Variants in MED12L observed in about 807,000 individuals in gnomAD.
MED12L encodes the protein mediator complex subunit 12L, also known as mediator of RNA polymerase II transcription subunit 12-like protein.
MED12L carries 60 observed loss-of-function variants against 281.3 expected under a neutral mutation model. The observed-to-expected ratio is 0.21, with a 90% CI of 0.17 to 0.26. MED12L has a LOEUF of 0.26. Among genes scored for constraint, MED12L ranks in the 10% least tolerant of loss-of-function variants. The pLI, the probability that MED12L is intolerant of heterozygous loss-of-function variation, is 1.00. For synonymous variants in MED12L, 974 were observed against 987.2 expected (o/e 0.99, Z 0.25); for missense variants, 2,146 against 2,680.9 (o/e 0.80, Z 4.41).
chr3:151,425,334 A>G (rs1718758598), intron 43 of MED12L: 1 of 171,702 alleles, frequency 5.8e-6, no homozygotes, highest in African/African-American at 2.4e-5. Context: ...GAAGAAGTAA[A>G]TGTTATTGAA....
chr3:151,350,016 C>T (rs772322292), intron 16 of MED12L, 43 bp from the exon 17 acceptor site: 1 of 1,588,556 alleles, frequency 6.3e-7, no homozygotes, highest in South Asian at 1.1e-5. Context: ...TGCAACCCCA[C>T]CCCTGCAGAC....
intron 11 of MED12L, among the ~76,000 whole-genome samples, chr3:151,169,125 T>G (rs1338672471): frequency 2.2e-4 from 32 of 144,964 alleles, no homozygotes; most frequent in Non-Finnish European, 3.8e-4. Flanking sequence ...TTTTTTTGTT[T>G]TTTTTTTTTT....
chr3:151,396,412 G>A (rs1322164444), intron 39 of MED12L, among the ~76,000 whole-genome samples: 1 of 152,178 alleles, frequency 6.6e-6, no homozygotes, highest in Non-Finnish European at 1.5e-5. Flanking sequence ...TGGATCACTT[G>A]AGGTCAGGAG....
intron 16 of MED12L, among the ~76,000 whole-genome samples, chr3:151,252,134 TAA>T (rs1425784926): frequency 3.3e-5 from 5 of 152,276 alleles, no homozygotes; most frequent in Admixed American, 3.3e-4. Context: ...CTATGCAGGA[TAA>T]ACTCACCTTC....
rs148216025 is a variant in MED12L at position 151,106,432 on chromosome 3, C to T, written c.100-9906C>T. Among the ~76,000 whole-genome samples the T allele has an allele frequency of 6.1e-3, 919 of 150,756 alleles. 6 individuals carry two copies. The highest frequency in any genetic ancestry group is 0.022 in the African/African-American group (891 of 40,980). ...CAAGCAGTCCTCCTGCCTCAGCCTCCCAAAGTACTAGGATTACAGGCATGA... is the reference window on the plus strand; with the variant it reads ...CAAGCAGTCCTCCTGCCTCAGCCTCTCAAAGTACTAGGATTACAGGCATGA... On this transcript the variant is annotated intron_variant, in intron 2 of 44. Transcript: ENST00000687756.
At chr3:151,232,590 T>C (rs1731903022) in intron 16 of MED12L, among the ~76,000 whole-genome samples, 1 of 152,200 alleles carries the variant, frequency 6.6e-6, no homozygotes, top group Admixed American at 6.5e-5. Flanking sequence ...ATATATGCCA[T>C]GGAATACTAT....
chr3:151,387,534 A>G (rs1713595024), intron 36 of MED12L, among the ~76,000 whole-genome samples: 1 of 152,192 alleles, frequency 6.6e-6, no homozygotes, highest in Admixed American at 6.5e-5. Context: ...TAGCAAAAAG[A>G]GGAAATACAC....
chr3:151,432,985 G>A lies in MED12L; in HGVS notation c.*181G>A. 1 of 543,930 alleles carries A rather than the reference G, an allele frequency of 1.8e-6. No individual in the cohort carries two copies. Among genetic ancestry groups the A allele is most frequent in the Non-Finnish European group, 3.2e-6 (1 of 313,100 alleles). The allele number at this position is 543,930 out of a possible 1,614,324, so 33.7% of individuals were successfully genotyped here. A position where few individuals can be genotyped will look rare whatever the true frequency, so the allele number is the denominator to read the frequency against. On this transcript the variant is annotated 3_prime_UTR_variant, in exon 45 of 45. Coordinates refer to ENST00000687756, the MANE Select transcript of MED12L (RefSeq NM_001393769.1). ...TTAAACAAAAAGCCAAGGAGAAGTT[G>A]TGGTTTGATTTTGTTGAATTCACCT...
intron 16 of MED12L, among the ~76,000 whole-genome samples, chr3:151,210,174 G>A (rs1487549711): frequency 1.3e-5 from 2 of 152,166 alleles, no homozygotes; most frequent in East Asian, 3.9e-4. Flanking sequence ...CTCTTATTAG[G>A]TCAAATTGGA....
intron 5 of MED12L, among the ~76,000 whole-genome samples, chr3:151,149,777 T>C (rs1414507939): frequency 6.6e-6 from 1 of 152,236 alleles, no homozygotes; most frequent in Non-Finnish European, 1.5e-5. Context: ...AATCCTTTGT[T>C]GTCATTTCAG....
intron 4 of MED12L, among the ~76,000 whole-genome samples, chr3:151,126,391 T>C (rs879400394): frequency 1.3e-5 from 2 of 152,174 alleles, no homozygotes; most frequent in Non-Finnish European, 2.9e-5. Context: ...TCCTTCAGCA[T>C]TGAAAAGCTT....
chr3:151,158,301 T>C (rs1719543010), intron 6 of MED12L, among the ~76,000 whole-genome samples: 2 of 152,194 alleles, frequency 1.3e-5, no homozygotes, highest in Admixed American at 6.5e-5. Context: ...ATTTTCACAC[T>C]TTTGTTAAGA....
chr3:151,340,740 G>C (rs181463619), intron 16 of MED12L: 83 of 152,614 alleles, frequency 5.4e-4, no homozygotes, highest in African/African-American at 1.9e-3. Flanking sequence ...CTGAGTTTTC[G>C]TCAGTAAAGT....
intron 16 of MED12L, among the ~76,000 whole-genome samples, chr3:151,195,416 A>G (rs1294522822): frequency 6.6e-6 from 1 of 151,696 alleles, no homozygotes; most frequent in Non-Finnish European, 1.5e-5. Flanking sequence ...TCAAACCCAT[A>G]TTTTTTTCCT....
Position 151,372,771 on chromosome 3 carries a change from T to C in MED12L, c.3864+5T>C. 6.2e-7 allele frequency: 1 copy of C among 1,610,078 alleles called. No individual in the cohort carries two copies. The highest frequency in any genetic ancestry group is 8.5e-7 in the Non-Finnish European group (1 of 1,176,588). On this transcript the variant is annotated splice_donor_5th_base_variant and intron_variant, in intron 27 of 44. Coordinates refer to ENST00000687756, the MANE Select transcript of MED12L (RefSeq NM_001393769.1). ...CTGAGGACTATCTGTCAACAGGTATTCTAATTTAATTTGCCTTTTACTTTG... is the reference window on the plus strand; with the variant it reads ...CTGAGGACTATCTGTCAACAGGTATCCTAATTTAATTTGCCTTTTACTTTG...
intron 23 of MED12L, 102 bp from the exon 24 acceptor site, chr3:151,367,544 T>A (rs1577459581): frequency 9.7e-7 from 1 of 1,035,448 alleles, no homozygotes. Flanking sequence ...CATGTTGGGA[T>A]TTGAGATCTT....
In MED12L at chr3:151,402,561, C is replaced by T. The variant is rs117145686; in HGVS notation, c.5821-6682C>T. Among the ~76,000 whole-genome samples the T allele has an allele frequency of 1.0e-3, 153 of 152,290 alleles. 4 individuals are homozygous for T. The East Asian group carries it at 0.027, about 27-fold the overall frequency. On this transcript the variant is annotated intron_variant, in intron 39 of 44. Coordinates refer to ENST00000687756, the MANE Select transcript of MED12L (RefSeq NM_001393769.1). Reference sequence around the variant, plus strand: ...GTGACCCACATGTCCTGAGCTCCCCCACTGGCCCTAGGGCGGGAAGGACCC... The same window carrying T: ...GTGACCCACATGTCCTGAGCTCCCCTACTGGCCCTAGGGCGGGAAGGACCC...
At chr3:151,097,268 CT>C (rs1720834565) in intron 2 of MED12L, among the ~76,000 whole-genome samples, 1 of 152,166 alleles carries the variant, frequency 6.6e-6, no homozygotes, top group Admixed American at 6.5e-5. Context: ...ATAAATGGAT[CT>C]TTCTTAGTTG....
At chr3:151,397,575 T>A (rs1715142422) in intron 39 of MED12L, among the ~76,000 whole-genome samples, 1 of 152,174 alleles carries the variant, frequency 6.6e-6, no homozygotes, top group Admixed American at 6.5e-5. Context: ...ATTCTTCTGA[T>A]AATCCTTCAA....
Sources: allele counts gnomAD v4.1 joint callset (sites outside exome capture counted in the v4.1 genomes callset), GRCh38; gene constraint gnomAD v4.1.1; transcripts MANE v1.5; gene names NCBI Gene and HGNC (gene_info 2026-07-23, HGNC 2026-07-21).